The following ATP8B1 variants were observed in gnomAD, a reference collection of about 807,000 sequenced individuals.
ATP8B1 encodes the protein phospholipid-transporting ATPase IC.
ATP8B1 carries 80 observed loss-of-function variants against 149.9 expected under a neutral mutation model. The observed-to-expected ratio is 0.53, with a 90% CI of 0.45 to 0.64. The LOEUF (loss-of-function observed/expected upper bound fraction) is 0.64. ATP8B1 is among the 30% of genes least tolerant of loss of function. ATP8B1 has a pLI of 0.00. For missense variants in ATP8B1, 1,247 were observed against 1,552.6 expected, an observed-to-expected ratio of 0.80 and a Z score of 3.31; for synonymous variants, 536 against 562.8, an observed-to-expected ratio of 0.95 and a Z score of 0.67.
chr18:57,662,416 C>G, intron 21 of ATP8B1, 67 bp downstream of exon 21: 1 of 1,597,498 alleles, frequency 6.3e-7, no homozygotes, highest in East Asian at 2.2e-5. Flanking sequence ...GTGAAAGCAT[C>G]TAAAAGTGGC....
At chr18:57,713,240 C>CTTCTTTCTTTCTTTCTTTCT (rs1222147907) in intron 2 of ATP8B1, among the ~76,000 whole-genome samples, 5 of 65,148 alleles carry the variant, frequency 7.7e-5, no homozygotes, top group African/African-American at 2.1e-4. Flanking sequence ...TCCTTCCTTC[C>CTTCTTTCTTTCTTTCTTTCT]TTCTTTCTTT....
intron 14 of ATP8B1, 103 bp downstream of exon 14, chr18:57,684,969 A>G (rs1912159078): frequency 7.0e-7 from 1 of 1,419,248 alleles, no homozygotes; most frequent in South Asian, 1.2e-5. Context: ...AGCAGGGAAG[A>G]GGCAACGAAA....
Position 57,802,289 on chromosome 18 carries a change from A to C in ATP8B1, c.-26+709T>G, listed in dbSNP as rs1243947080. The stretch of plus-strand genomic sequence containing the variant: ...AGCGAGGTGACAGCGCAGGGCACCA[A>C]ACTGCTGAGGGAAGGAGATGCCTGC... On this transcript the variant is annotated intron_variant, in intron 1 of 27. Coordinates refer to ENST00000648908, the MANE Select transcript of ATP8B1 (RefSeq NM_001374385.1). The surrounding 1 kb of genome is among the most constrained non-coding windows in gnomAD (Gnocchi z 4.9). Among the ~76,000 whole-genome samples the C allele has an allele frequency of 6.6e-6, 1 of 152,130 alleles. No homozygotes were observed. Among genetic ancestry groups the C allele is most frequent in the Non-Finnish European group, 1.5e-5 (1 of 68,014 alleles).
intron 2 of ATP8B1, among the ~76,000 whole-genome samples, chr18:57,722,476 G>A (rs1227159663): frequency 0.013 from 1,677 of 133,208 alleles, 31 homozygotes; most frequent in African/African-American, 0.045. Context: ...ACACCTCTAC[G>A]CAAATAAACT....
chr18:57,751,766 G>A (rs1421545935), intron 1 of ATP8B1, among the ~76,000 whole-genome samples: 2 of 152,072 alleles, frequency 1.3e-5, no homozygotes, highest in African/African-American at 4.8e-5. Flanking sequence ...CACTCACAAG[G>A]GCAGCTAGGC....
At chr18:57,742,233 C>A (rs752629412) in intron 1 of ATP8B1, among the ~76,000 whole-genome samples, 8 of 152,080 alleles carry the variant, frequency 5.3e-5, no homozygotes, top group Non-Finnish European at 1.2e-4. Context: ...GATAAAGAAT[C>A]TCATGAAGCA....
rs571617691 is a variant in ATP8B1, at chr18:57,668,198, A to G, written c.2209+231T>C. The G allele has an allele frequency of 1.0e-4, 150 of 1,436,824 alleles. No individual in the cohort carries two copies. The African/African-American group carries it at 1.8e-3, about 17-fold the overall frequency. The allele number at this position is 1,436,824 out of a possible 1,614,324, so 89.0% of individuals were successfully genotyped here. ...TAAGACCAATTATAATCAGCAAGAC[A>G]TGGCCAGGAGCTAAATTATAAGGAA... is the stretch of plus-strand genomic sequence containing the variant. On this transcript the variant is annotated intron_variant, in intron 19 of 27. Coordinates refer to ENST00000648908, the MANE Select transcript of ATP8B1 (RefSeq NM_001374385.1).
In ATP8B1 at chr18:57,691,907, A is replaced by G; in HGVS notation, c.1120T>C (p.Tyr374His). The change falls in exon 12 of 28, where the codon TAT becomes CAT. Residue 374 changes from tyrosine to histidine, a missense_variant. Coordinates refer to ENST00000648908, the MANE Select transcript of ATP8B1 (RefSeq NM_001374385.1). ...AQVGNSSWYL[Y>H]DGEDDTPSYR... The stretch of plus-strand genomic sequence containing the variant: ...GAGGGTGTATCGTCTTCTCCATCAT[A>G]GAGGTACCAAGAGGAATTGCCCACC... 1 of 1,614,154 alleles carries G rather than the reference A, an allele frequency of 6.2e-7. No individual in the cohort carries two copies. The highest frequency in any genetic ancestry group is 8.5e-7 in the Non-Finnish European group (1 of 1,180,028).
In ATP8B1 at chr18:57,803,041, G is replaced by A. The variant is rs2080598248; in HGVS notation, c.-69C>T. ...CGGCTGGGGCATCCGCCTGGTGCGCGCCGCTCGGAGCGCTCGCTGCGCACC... is the reference window on the plus strand; with the variant it reads ...CGGCTGGGGCATCCGCCTGGTGCGCACCGCTCGGAGCGCTCGCTGCGCACC... On this transcript the variant is annotated 5_prime_UTR_variant, in exon 1 of 28. Transcript: ENST00000648908. 6.6e-6 allele frequency: 1 copy of A among 151,912 alleles called. No homozygotes were observed. Among genetic ancestry groups the A allele is most frequent in the Non-Finnish European group, 1.5e-5 (1 of 67,980 alleles). The allele number at this position is 151,912 out of a possible 1,614,324, so 9.4% of individuals were successfully genotyped here. A position where few individuals can be genotyped will look rare whatever the true frequency, so the allele number is the denominator to read the frequency against.
rs202128847 is a variant in ATP8B1, at chr18:57,688,429, G to A, written c.1299C>T (p.Pro433=). 13 of 1,614,148 alleles carry A rather than the reference G, an allele frequency of 8.1e-6. No individual in the cohort carries two copies. Among genetic ancestry groups the A allele is most frequent in the African/African-American group, 4.0e-5 (3 of 75,042 alleles). ...TGAGTGTGGTGGTTCTAGCTTTTGC[G>A]GGTGTGTCCTTCTCAGCATAGTACA... The part of the protein sequence containing the change: ...LQMYYAEKDT[P]AKARTTTLNE... The change falls in exon 13 of 28, where the codon CCC becomes CCT. Residue 433 remains proline (P), a synonymous_variant. Transcript: ENST00000648908.
At position 57,742,046 on chromosome 18, in the gene ATP8B1, T is replaced by A. The variant is rs1433571110; in HGVS notation, c.-25-10214A>T. Among the ~76,000 whole-genome samples the A allele has an allele frequency of 7.9e-5, 12 of 152,154 alleles. No homozygotes were observed. In the East Asian group the frequency reaches 2.1e-3, roughly 27 times the overall value. The stretch of plus-strand genomic sequence containing the variant: ...CACCACACCTGGCTAATTTTTGTAT[T>A]TTTAGTAGAGACAGGGTTTTACCTT... On this transcript the variant is annotated intron_variant, in intron 1 of 27. Coordinates refer to ENST00000648908, the MANE Select transcript of ATP8B1 (RefSeq NM_001374385.1).
intron 1 of ATP8B1, among the ~76,000 whole-genome samples, chr18:57,738,225 A>G (rs1599176956): frequency 6.6e-6 from 1 of 152,368 alleles, no homozygotes; most frequent in East Asian, 1.9e-4. Flanking sequence ...TTTACTCAGC[A>G]TCCAGTAAAC....
At chr18:57,681,247 C>T (rs1911952853) in intron 15 of ATP8B1, among the ~76,000 whole-genome samples, 1 of 144,144 alleles carries the variant, frequency 6.9e-6, no homozygotes, top group Non-Finnish European at 1.6e-5. Context: ...GAGTGGAGGG[C>T]AACCCAGTTG....
At chr18:57,678,950 G>A (rs1911776685) in intron 15 of ATP8B1, among the ~76,000 whole-genome samples, 1 of 94,474 alleles carries the variant, frequency 1.1e-5, no homozygotes, top group African/African-American at 4.0e-5. Context: ...GTGTGGTGTT[G>A]ATGGTATAGT....
chr18:57,801,699 A>G lies in ATP8B1; in HGVS notation c.-26+1299T>C, dbSNP rs945180106. Among the ~76,000 whole-genome samples, 7 of 152,242 alleles carry G rather than the reference A, an allele frequency of 4.6e-5. No homozygotes were observed. The South Asian group carries it at 1.4e-3, about 32-fold the overall frequency. On this transcript the variant is annotated intron_variant, in intron 1 of 27. Coordinates refer to ENST00000648908, the MANE Select transcript of ATP8B1 (RefSeq NM_001374385.1). ...TCGATAACCTACCGTGTGCCGGGTG[A>G]TCTCCAAACATCCCACTAGTTTTTT...
At chr18:57,667,629 A>G (rs1030287974) in intron 19 of ATP8B1, 3 of 201,578 alleles carry the variant, frequency 1.5e-5, no homozygotes, top group South Asian at 1.6e-4. Flanking sequence ...AATGTTTTCA[A>G]TAATAAAATG....
chr18:57,653,913 G>A lies in ATP8B1; in HGVS notation c.3015+79C>T, dbSNP rs1239741413. On this transcript the variant is annotated intron_variant, in intron 24 of 27. Coordinates refer to ENST00000648908, the MANE Select transcript of ATP8B1 (RefSeq NM_001374385.1). ...AGAAAGAAGTAAACACCAGAAGAAT[G>A]CATTGAAACGTTTGCTTGGGACTTC... The A allele has an allele frequency of 3.2e-6, 4 of 1,250,820 alleles. No homozygotes were observed. The East Asian group carries it at 7.2e-5, about 22-fold the overall frequency. The allele number at this position is 1,250,820 out of a possible 1,614,324, so 77.5% of individuals were successfully genotyped here.
intron 2 of ATP8B1, among the ~76,000 whole-genome samples, chr18:57,726,620 A>G (rs754160961): frequency 3.3e-5 from 5 of 152,216 alleles, no homozygotes; most frequent in Non-Finnish European, 7.3e-5. Flanking sequence ...GGTGACTTCT[A>G]TCATTAAAAA....
chr18:57,704,629 A>C lies in ATP8B1; in HGVS notation c.319T>G (p.Phe107Val). Reference sequence around the variant, plus strand: ...TGCTCAAACAGATTCATTGGTATAAAGGTAAATGCGTTGTACTTGTATGTT... The same window carrying C: ...TGCTCAAACAGATTCATTGGTATAACGGTAAATGCGTTGTACTTGTATGTT... The part of the protein sequence containing the change: ...IKTYKYNAFT[F>V]IPMNLFEQFK... Residue 107 changes from phenylalanine to valine, a missense_variant, in exon 4 of 28, where the codon TTT becomes GTT. Phe to Val is a conservative substitution (Grantham distance 50). This residue lies in a region of ATP8B1 where 853 missense variants were observed against 1,035.7 expected (regional missense o/e 0.82). Coordinates refer to ENST00000648908, the MANE Select transcript of ATP8B1 (RefSeq NM_001374385.1). 6.2e-7 allele frequency: 1 copy of C among 1,611,336 alleles called. No homozygotes were observed. Among genetic ancestry groups the C allele is most frequent in the Non-Finnish European group, 8.5e-7 (1 of 1,177,432 alleles).
Sources: allele counts gnomAD v4.1 joint callset (sites outside exome capture counted in the v4.1 genomes callset), GRCh38; gene constraint gnomAD v4.1.1; regional missense constraint gnomAD v4.1.1; non-coding constraint Gnocchi (gnomAD v3.1); transcripts MANE v1.5; gene names NCBI Gene and HGNC (gene_info 2026-07-23, HGNC 2026-07-21).